JAK1: variants seen among roughly 807,000 people sequenced by gnomAD.
JAK1 encodes the protein Janus kinase 1, also known as tyrosine-protein kinase JAK1.
A neutral mutation model predicts 136.6 loss-of-function variants in JAK1; 16 were observed. The observed-to-expected ratio is 0.12, with a 90% CI of 0.08 to 0.18. JAK1 has a LOEUF of 0.18. JAK1 is among the 10% of genes least tolerant of loss of function. The probability of loss-of-function intolerance (pLI) is 1.00; values close to 1 mark genes in which losing one functional copy is unlikely to be tolerated. For synonymous variants in JAK1, 492 were observed against 519.5 expected, an observed-to-expected ratio of 0.95 and a Z score of 0.72; for missense variants, 859 against 1,450.1, an observed-to-expected ratio of 0.59 and a Z score of 6.62.
At chr1:64,835,778 G>A (rs1654443674) in intron 23 of JAK1, among the ~76,000 whole-genome samples, 1 of 152,112 alleles carries the variant, frequency 6.6e-6, no homozygotes, top group Admixed American at 6.5e-5. Flanking sequence ...AGGAATGAAG[G>A]AGGCACAGAC....
intron 1 of JAK1, among the ~76,000 whole-genome samples, chr1:65,053,085 C>G (rs1647363575): frequency 6.6e-6 from 1 of 150,464 alleles, no homozygotes; most frequent in African/African-American, 2.5e-5. Flanking sequence ...GTGGCTCACG[C>G]CTGTAATCCC....
chr1:64,927,859 A>G (rs1645608881), intron 1 of JAK1, among the ~76,000 whole-genome samples: 1 of 152,228 alleles, frequency 6.6e-6, no homozygotes, highest in African/African-American at 2.4e-5. Context: ...ATGGTTGGGC[A>G]GGTTGGGCAC....
At chr1:65,033,724 C>T (rs959403108) in intron 2 of JAK1, among the ~76,000 whole-genome samples, 1 of 75,750 alleles carries the variant, frequency 1.3e-5, no homozygotes. Context: ...TCCCGTAGTA[C>T]CAAAAAAAAA....
At chr1:65,053,871 G>A (rs1363052738) in intron 1 of JAK1, among the ~76,000 whole-genome samples, 3 of 152,122 alleles carry the variant, frequency 2.0e-5, no homozygotes, top group African/African-American at 7.2e-5. Context: ...CTTAAAATTG[G>A]GTGGTTATTC....
At chr1:64,974,417 T>C (rs2100679507) in intron 2 of JAK1, 1 of 152,346 alleles carries the variant, frequency 6.6e-6, no homozygotes, top group East Asian at 1.9e-4. Flanking sequence ...TAATCCTGTT[T>C]CCTTATACAT....
chr1:65,050,262 G>A (rs1647248496), intron 1 of JAK1, among the ~76,000 whole-genome samples: 1 of 152,168 alleles, frequency 6.6e-6, no homozygotes, highest in Non-Finnish European at 1.5e-5. Flanking sequence ...GCCATCTAAC[G>A]AGACATTAAA....
chr1:64,875,274 A>G (rs1289947825), intron 4 of JAK1, among the ~76,000 whole-genome samples: 1 of 152,252 alleles, frequency 6.6e-6, no homozygotes, highest in East Asian at 1.9e-4. Flanking sequence ...GCCAGGCTAC[A>G]GAGCCTGGAC....
intron 1 of JAK1, among the ~76,000 whole-genome samples, chr1:64,895,036 G>A (rs1042722483): frequency 4.6e-5 from 7 of 152,076 alleles, no homozygotes; most frequent in Non-Finnish European, 5.9e-5. Flanking sequence ...TCACCACAGC[G>A]CCTCTGGAGC....
chr1:65,007,507 C>T (rs896599142), intron 2 of JAK1, among the ~76,000 whole-genome samples: 1 of 152,144 alleles, frequency 6.6e-6, no homozygotes, highest in Non-Finnish European at 1.5e-5. Context: ...GTTGCCCAGG[C>T]TGGAGTGCAA....
In JAK1 at chr1:64,867,205, G is replaced by A. The variant is rs1311749213; in HGVS notation, c.651C>T (p.Tyr217=). 1.9e-6 allele frequency: 3 copies of A among 1,588,410 alleles called. No homozygotes were observed. In the South Asian group the frequency reaches 3.4e-5, roughly 18 times the overall value. The change falls in exon 7 of 25, where the codon TAC becomes TAT. Residue 217 remains tyrosine (Y), a synonymous_variant. Coordinates refer to ENST00000342505, the MANE Select transcript of JAK1 (RefSeq NM_002227.4). The part of the protein sequence containing the change: ...QLPELPKDIS[Y]KRYIPETLNK... ...TCAATGTTTCTGGAATATATCGCTT[G>A]TAGCTAAAAGACAGTAGAAAAGTAC...
At chr1:64,899,706 T>A (rs1239667730) in intron 1 of JAK1, among the ~76,000 whole-genome samples, 3 of 152,206 alleles carry the variant, frequency 2.0e-5, no homozygotes, top group South Asian at 2.1e-4. Context: ...AAATCTGAAA[T>A]CTGAAAATTG....
At chr1:64,930,533 A>G (rs11208543) in intron 1 of JAK1, among the ~76,000 whole-genome samples, 6,888 of 152,302 alleles carry the variant, frequency 0.045, 258 homozygotes, top group Admixed American at 0.14. Context: ...AAATAGGAAC[A>G]CTTTATGCTG....
At chr1:64,845,811 C>A (rs1167179179) in intron 14 of JAK1, among the ~76,000 whole-genome samples, 171 bp from the exon 15 acceptor site, 2 of 152,324 alleles carry the variant, frequency 1.3e-5, no homozygotes, top group East Asian at 3.9e-4. Context: ...CAAGTTCAAC[C>A]CCAAGCTCTT....
rs374828765 is a variant in JAK1 at position 64,941,211 on chromosome 1, A to G, written c.-78+25122T>C. Among the ~76,000 whole-genome samples the G allele has an allele frequency of 2.6e-5, 4 of 152,338 alleles. 1 individual carries two copies. Among genetic ancestry groups the G allele is most frequent in the African/African-American group, 9.6e-5 (4 of 41,600 alleles). ...AAGTAGTTGAAGTTTTGTGGTTATT[A>G]TAAGAATAAATTCTCACCATCTAGA... On this transcript the variant is annotated intron_variant, in intron 1 of 24. Coordinates refer to ENST00000342505, the MANE Select transcript of JAK1 (RefSeq NM_002227.4).
intron 2 of JAK1, among the ~76,000 whole-genome samples, chr1:64,980,636 C>A (rs1050597466): frequency 9.9e-5 from 15 of 151,528 alleles, no homozygotes; most frequent in African/African-American, 3.4e-4. Flanking sequence ...CGGTTTGTCA[C>A]ATATGTATAC....
intron 1 of JAK1, among the ~76,000 whole-genome samples, chr1:65,062,005 T>A (rs1383872189): frequency 1.3e-5 from 2 of 152,018 alleles, no homozygotes; most frequent in African/African-American, 4.8e-5. Context: ...TGGCCCTAAT[T>A]AATCTCATGC....
chr1:64,851,783 G>T lies in JAK1; in HGVS notation c.1649-873C>A, dbSNP rs34605223. Among the ~76,000 whole-genome samples the T allele has an allele frequency of 1.1e-3, 169 of 152,310 alleles. 2 individuals are homozygous for T. Among genetic ancestry groups the T allele is most frequent in the Admixed American group, 9.6e-3 (147 of 15,308 alleles). ...GTATTCTGGGAATCTCTGAAGACTT[G>T]TATGTTTTCATCAATTTTATTAACT... On this transcript the variant is annotated intron_variant, in intron 11 of 24. Coordinates refer to ENST00000342505, the MANE Select transcript of JAK1 (RefSeq NM_002227.4).
intron 1 of JAK1, among the ~76,000 whole-genome samples, chr1:64,925,900 C>G (rs1645575353): frequency 6.6e-6 from 1 of 152,172 alleles, no homozygotes; most frequent in African/African-American, 2.4e-5. Context: ...TATAAAACCA[C>G]CTGTCTGGAG....
At chr1:64,842,808 G>A (rs538011006) in intron 17 of JAK1, among the ~76,000 whole-genome samples, 1 of 152,272 alleles carries the variant, frequency 6.6e-6, no homozygotes, top group South Asian at 2.1e-4. Flanking sequence ...CCAAATAGCA[G>A]ATCTGTAGAT....
Sources: allele counts gnomAD v4.1 joint callset (sites outside exome capture counted in the v4.1 genomes callset), GRCh38; gene constraint gnomAD v4.1.1; transcripts MANE v1.5; gene names NCBI Gene and HGNC (gene_info 2026-07-23, HGNC 2026-07-21).